SNAPC3: variants seen among roughly 807,000 people sequenced by gnomAD.
SNAPC3 encodes the protein small nuclear RNA activating complex polypeptide 3, also known as snRNA-activating protein complex subunit 3.
In SNAPC3, 56 loss-of-function variants were observed where a neutral mutation model predicts 47.7. That is an observed-to-expected ratio of 1.18 (90% CI 0.95 to 1.47). The LOEUF is 1.47. Among genes scored for constraint, SNAPC3 ranks in the 40% most tolerant of loss-of-function variants. The pLI, the probability that SNAPC3 is intolerant of heterozygous loss-of-function variation, is 0.00. For synonymous variants in SNAPC3, 235 were observed against 189.9 expected (o/e 1.24, Z -1.95); for missense variants, 665 against 511.3 (o/e 1.30, Z -2.90).
Position 15,459,796 on chromosome 9 carries a change from A to AG in SNAPC3, c.1166_1167insG (p.Tyr389Ter). ...FCDVCFRMLHYDSEGNKLGEF... is the reference protein window; with the variant it reads ...FCDVCFRMLH ...GATGTTTGCTTCCGAATGCTGCACT[A>AG]TGATTCAGAAGGCAACAAACTGGGG... is the stretch of plus-strand genomic sequence containing the variant. Residue 389 changes from tyrosine (Y) to a stop codon, truncating the protein, a stop_gained and frameshift_variant, in exon 9 of 9, where the codon TAT becomes TAGT. Transcript: ENST00000380821. LOFTEE classifies it high-confidence loss of function. 1.2e-6 allele frequency: 2 copies of AG among 1,613,552 alleles called. No homozygotes were observed. The highest frequency in any genetic ancestry group is 1.7e-6 in the Non-Finnish European group (2 of 1,179,680).
At position 15,431,572 on chromosome 9, in the gene SNAPC3, C is replaced by T. The variant is rs182325413; in HGVS notation, c.393-1980C>T. ...ATTTGAACAAAGGAAATGGAAAGGA[C>T]AAACCAAAACTATAGAGACTGATTG... is the stretch of plus-strand genomic sequence containing the variant. On this transcript the variant is annotated intron_variant, in intron 2 of 8. Coordinates refer to ENST00000380821, the MANE Select transcript of SNAPC3 (RefSeq NM_001039697.2). 4.2e-5 allele frequency among the ~76,000 whole-genome samples: 6 copies of T among 144,512 alleles called. No individual in the cohort carries two copies. In the East Asian group the frequency reaches 1.1e-3, roughly 26 times the overall value. The allele number at this position is 144,512 out of a possible 152,430, so 94.8% of individuals were successfully genotyped here. A position where few individuals can be genotyped will look rare whatever the true frequency, so the allele number is the denominator to read the frequency against.
intron 6 of SNAPC3, 144 bp downstream of exon 6, chr9:15,451,546 C>G (rs1476144539): frequency 4.6e-6 from 2 of 435,294 alleles, no homozygotes. Flanking sequence ...TACATACATC[C>G]AAAAAAAATT....
At chr9:15,454,011 G>A (rs912531456) in intron 7 of SNAPC3, among the ~76,000 whole-genome samples, 2 of 152,146 alleles carry the variant, frequency 1.3e-5, no homozygotes, top group Admixed American at 1.3e-4. Context: ...GACTGAAGTG[G>A]GCAAATTGAG....
At chr9:15,443,397 G>A (rs1008813581) in intron 3 of SNAPC3, among the ~76,000 whole-genome samples, 1 of 152,018 alleles carries the variant, frequency 6.6e-6, no homozygotes, top group Non-Finnish European at 1.5e-5. Flanking sequence ...TGATTTATAT[G>A]TTTTTTTGAG....
intron 1 of SNAPC3, 67 bp downstream of exon 1, chr9:15,423,260 C>A: frequency 7.0e-7 from 1 of 1,423,860 alleles, no homozygotes; most frequent in Non-Finnish European, 9.3e-7. Flanking sequence ...CTCGTGCGCT[C>A]CTCTGGGACT....
intron 3 of SNAPC3, among the ~76,000 whole-genome samples, chr9:15,441,768 A>G (rs1468631351): frequency 6.6e-6 from 1 of 152,340 alleles, no homozygotes. Context: ...AGTACAGAAC[A>G]AAATGGAATC....
chr9:15,448,756 A>C (rs1288828109), intron 5 of SNAPC3, among the ~76,000 whole-genome samples: 5 of 152,240 alleles, frequency 3.3e-5, no homozygotes, highest in African/African-American at 1.2e-4. Context: ...GAGAAACAAT[A>C]GGATAAGAAA....
At position 15,461,381 on chromosome 9, in the gene SNAPC3, C is replaced by T. The variant is rs1587433608; in HGVS notation, c.*1515C>T. ...TTCACTATGTTGCGCAGAATAGTCTCGAACTCCTGACCTCAAGTGATCCAT... is the reference window on the plus strand; with the variant it reads ...TTCACTATGTTGCGCAGAATAGTCTTGAACTCCTGACCTCAAGTGATCCAT... On this transcript the variant is annotated 3_prime_UTR_variant, in exon 9 of 9. Transcript: ENST00000380821. 2 of 152,256 alleles carry T rather than the reference C, an allele frequency of 1.3e-5. No homozygotes were observed. Among genetic ancestry groups the T allele is most frequent in the East Asian group, 1.9e-4 (1 of 5,174 alleles). The allele number at this position is 152,256 out of a possible 1,614,324, so 9.4% of individuals were successfully genotyped here. A position where few individuals can be genotyped will look rare whatever the true frequency, so the allele number is the denominator to read the frequency against.
chr9:15,462,385 G>T (rs1206945969), downstream of SNAPC3: 1 of 152,146 alleles, frequency 6.6e-6, no homozygotes. Flanking sequence ...AGTTATACAG[G>T]TATCCCACCA....
chr9:15,431,415 A>G (rs1293858697), intron 2 of SNAPC3, among the ~76,000 whole-genome samples: 6 of 152,256 alleles, frequency 3.9e-5, no homozygotes, highest in South Asian at 2.1e-4. Context: ...TTCCTTGCCA[A>G]TCCCTCATTA....
In SNAPC3 at chr9:15,444,725, T is replaced by C; in HGVS notation, c.582+19T>C. On this transcript the variant is annotated intron_variant, in intron 4 of 8. Transcript: ENST00000380821. The stretch of plus-strand genomic sequence containing the variant: ...TCATAAGGTAAGTAGTAAAACCTTT[T>C]GGATTTTATGGATAATAGTAACTTT... 8.2e-7 allele frequency: 1 copy of C among 1,220,592 alleles called. No homozygotes were observed. Among genetic ancestry groups the C allele is most frequent in the Non-Finnish European group, 1.2e-6 (1 of 834,730 alleles). 75.6% of individuals were successfully genotyped at this position (1,220,592 alleles called of 1,614,324 possible).
chr9:15,451,415 A>G lies in SNAPC3; in HGVS notation c.815+13A>G, dbSNP rs759008517. On this transcript the variant is annotated intron_variant, in intron 6 of 8. Coordinates refer to ENST00000380821, the MANE Select transcript of SNAPC3 (RefSeq NM_001039697.2). Reference sequence around the variant, plus strand: ...GAGATTTGAGCAGGTATAGTTTCCAAAAATCTTCTCAAAGTCTTTCCTATT... The same window carrying G: ...GAGATTTGAGCAGGTATAGTTTCCAGAAATCTTCTCAAAGTCTTTCCTATT... 1 of 1,305,936 alleles carries G rather than the reference A, an allele frequency of 7.7e-7. No homozygotes were observed. The highest frequency in any genetic ancestry group is 1.5e-5 in the African/African-American group (1 of 67,886). The allele number at this position is 1,305,936 out of a possible 1,614,324, so 80.9% of individuals were successfully genotyped here.
rs574833555 is a variant in SNAPC3 at position 15,455,522 on chromosome 9, G to A, written c.980+2317G>A. Among the ~76,000 whole-genome samples the A allele has an allele frequency of 2.9e-4, 44 of 152,124 alleles. No individual in the cohort carries two copies. In the East Asian group the frequency reaches 4.8e-3, roughly 17 times the overall value. On this transcript the variant is annotated intron_variant, in intron 7 of 8. Coordinates refer to ENST00000380821, the MANE Select transcript of SNAPC3 (RefSeq NM_001039697.2). ...GCGGAGGTTGCAATGAGCCAAGATC[G>A]TGCCATTGCACTCCATCCTGGGTGA... is the stretch of plus-strand genomic sequence containing the variant.
At chr9:15,463,210 T>C (rs1296527006), downstream of SNAPC3, 1 of 133,874 alleles carries the variant, frequency 7.5e-6, no homozygotes, top group Non-Finnish European at 1.5e-5. Flanking sequence ...GGTCATGGTA[T>C]GACTCTTTTT....
intron 2 of SNAPC3, among the ~76,000 whole-genome samples, chr9:15,428,550 A>G (rs962792173): frequency 3.3e-5 from 5 of 152,210 alleles, no homozygotes; most frequent in African/African-American, 1.2e-4. Context: ...CTGTACTCCA[A>G]ACAGAATTGA....
At chr9:15,448,472 C>G (rs915670079) in intron 5 of SNAPC3, among the ~76,000 whole-genome samples, 1 of 152,212 alleles carries the variant, frequency 6.6e-6, no homozygotes, top group Non-Finnish European at 1.5e-5. Flanking sequence ...AAACCCAGCT[C>G]AAAACTCACC....
chr9:15,465,786 C>A (rs1207265856), downstream of SNAPC3: 14 of 496,128 alleles, frequency 2.8e-5, no homozygotes, highest in East Asian at 4.3e-4. Context: ...ATCTTCTTCC[C>A]AAAGTAATAT....
downstream of SNAPC3, chr9:15,464,263 AAC>A (rs1171636494): frequency 2.1e-5 from 4 of 193,872 alleles, no homozygotes; most frequent in East Asian, 2.5e-4. Flanking sequence ...TGTAGATGAA[AAC>A]AGTTATCTCA....
chr9:15,446,636 C>A (rs983683099), intron 4 of SNAPC3, among the ~76,000 whole-genome samples: 1 of 152,062 alleles, frequency 6.6e-6, no homozygotes, highest in African/African-American at 2.4e-5. Flanking sequence ...CAGGAAGAAG[C>A]ATCATTCTCA....
Sources: gnomAD v4.1 joint callset for allele counts (sites outside exome capture counted in the v4.1 genomes callset) on GRCh38, gnomAD v4.1.1 for gene constraint, MANE v1.5 for transcripts, NCBI Gene and HGNC (gene_info 2026-07-23, HGNC 2026-07-21) for gene names.